TARBP1: variants seen among roughly 807,000 people sequenced by gnomAD.
TARBP1 encodes the protein tRNA guanosine 2 -O-methyltransferase TARBP1.
Under a neutral mutation model 178.6 loss-of-function variants are expected in TARBP1, and 144 were observed. That is an observed-to-expected ratio of 0.81 (90% CI 0.70 to 0.93). The LOEUF is 0.93. Ranked by LOEUF, TARBP1 falls within the 40% of genes least tolerant of loss-of-function variation. TARBP1 has a pLI of 0.00. For missense variants in TARBP1, 2,067 were observed against 2,011.7 expected (o/e 1.03, Z -0.53); for synonymous variants, 787 against 781.0 (o/e 1.01, Z -0.13).
At chr1:234,395,172 T>C (rs139477392) in intron 26 of TARBP1, among the ~76,000 whole-genome samples, 225 of 152,146 alleles carry the variant, frequency 1.5e-3, no homozygotes, top group African/African-American at 5.0e-3. Flanking sequence ...TGCAGTGAGC[T>C]GAGATCGTGC....
intron 4 of TARBP1, 97 bp from the exon 5 acceptor site, chr1:234,465,805 C>T: frequency 2.7e-6 from 3 of 1,120,010 alleles, no homozygotes; most frequent in Non-Finnish European, 3.7e-6. Context: ...CACAGGCTTA[C>T]AGAAGACCTG....
At chr1:234,475,395 C>G (rs921826988) in intron 1 of TARBP1, among the ~76,000 whole-genome samples, 2 of 152,232 alleles carry the variant, frequency 1.3e-5, no homozygotes, top group Admixed American at 1.3e-4. Flanking sequence ...TCCCTTCACT[C>G]GGCACTGACA....
At chr1:234,468,965 G>T (rs1253911331) in intron 3 of TARBP1, among the ~76,000 whole-genome samples, 2 of 148,802 alleles carry the variant, frequency 1.3e-5, no homozygotes, top group African/African-American at 5.0e-5. Context: ...TTTTTTCATG[G>T]AAAACACAAA....
intron 12 of TARBP1, among the ~76,000 whole-genome samples, chr1:234,446,429 C>A (rs1666179298): frequency 2.0e-5 from 3 of 152,026 alleles, no homozygotes; most frequent in Admixed American, 2.0e-4. Context: ...ATGGATCCTG[C>A]TTAAACATAT....
At chr1:234,428,577 GCT>G (rs1664037673) in intron 17 of TARBP1, among the ~76,000 whole-genome samples, 1 of 148,690 alleles carries the variant, frequency 6.7e-6, no homozygotes, top group Non-Finnish European at 1.5e-5. Context: ...ATGGAGTCTT[GCT>G]CTGTTGCCCA....
rs1251686360 is a variant in TARBP1 at position 234,452,279 on chromosome 1, G to A, written c.1723-1713C>T. Among the ~76,000 whole-genome samples, 3 of 152,058 alleles carry A rather than the reference G, an allele frequency of 2.0e-5. No homozygotes were observed. In the East Asian group the frequency reaches 5.8e-4, roughly 29 times the overall value. ...ATCTATTTGGACACATAAAGAGAAT[G>A]AGAGGACAAGCCACAGACTGGGAGA... is the stretch of plus-strand genomic sequence containing the variant. On this transcript the variant is annotated intron_variant, in intron 9 of 29. Transcript: ENST00000040877.
chr1:234,468,491 C>T (rs748430900), intron 3 of TARBP1, among the ~76,000 whole-genome samples: 74 of 152,200 alleles, frequency 4.9e-4, no homozygotes, highest in Non-Finnish European at 4.4e-4. Flanking sequence ...AGACTGTAAA[C>T]GAATGCTGTA....
intron 26 of TARBP1, among the ~76,000 whole-genome samples, chr1:234,394,487 G>A (rs1659714487): frequency 6.6e-6 from 1 of 152,134 alleles, no homozygotes; most frequent in South Asian, 2.1e-4. Context: ...GCAATCAAGT[G>A]GCACTTAGTT....
intron 20 of TARBP1, among the ~76,000 whole-genome samples, chr1:234,422,548 A>G (rs1663225766): frequency 6.6e-6 from 1 of 152,160 alleles, no homozygotes; most frequent in South Asian, 2.1e-4. Flanking sequence ...AATTGAACTC[A>G]TGGAGATAGA....
chr1:234,417,428 AAAG>A lies in TARBP1; in HGVS notation c.3705+653_3705+655del, dbSNP rs538512289. Among the ~76,000 whole-genome samples the A allele has an allele frequency of 1.2e-4, 19 of 152,346 alleles. No homozygotes were observed. The East Asian group carries it at 3.5e-3, about 28-fold the overall frequency. ...GAGGAATGCACCTCCATTTTCACAC[AAAG>A]AAGAAGACAAGATCATCTATTATGA... On this transcript the variant is annotated intron_variant, in intron 22 of 29. Transcript: ENST00000040877.
At chr1:234,429,064 A>C in intron 17 of TARBP1, 72 bp downstream of exon 17, 4 of 1,354,412 alleles carry the variant, frequency 3.0e-6, no homozygotes, top group Non-Finnish European at 3.9e-6. Flanking sequence ...TGTGAATACA[A>C]CTCTCATGTT....
intron 12 of TARBP1, among the ~76,000 whole-genome samples, chr1:234,441,681 C>T (rs1425759925): frequency 1.3e-5 from 2 of 152,266 alleles, no homozygotes; most frequent in Admixed American, 6.5e-5. Flanking sequence ...AAAGAGAAAC[C>T]TCATACCCTT....
At chr1:234,473,867 G>C (rs372388852) in intron 1 of TARBP1, among the ~76,000 whole-genome samples, 2 of 152,132 alleles carry the variant, frequency 1.3e-5, no homozygotes, top group Non-Finnish European at 2.9e-5. Flanking sequence ...AAATTACACA[G>C]GTAGAAGAAA....
At position 234,478,529 on chromosome 1, in the gene TARBP1, GC is replaced by G; in HGVS notation, c.574del (p.Ala192ProfsTer35). 7.3e-7 allele frequency: 1 copy of G among 1,369,010 alleles called. No homozygotes were observed. The highest frequency in any genetic ancestry group is 3.4e-5 in the East Asian group (1 of 29,658). The allele number at this position is 1,369,010 out of a possible 1,614,324, so 84.8% of individuals were successfully genotyped here. On this transcript the variant is annotated frameshift_variant, in exon 1 of 30. Coordinates refer to ENST00000040877, the MANE Select transcript of TARBP1 (RefSeq NM_005646.4). LOFTEE classifies it high-confidence loss of function. ...GACCAGCACTGGCAGCAGTCGCCCG[GC>G]CACCAGCGCCGCCGCGTCCTCGGCA... ...GPAEDAAALV[A>X]GRLLPVLVQC...
chr1:234,433,923 T>C (rs1664741683), intron 13 of TARBP1, among the ~76,000 whole-genome samples: 1 of 152,236 alleles, frequency 6.6e-6, no homozygotes, highest in African/African-American at 2.4e-5. Flanking sequence ...GTTATAGCAA[T>C]GACTACTTCC....
chr1:234,413,215 A>T (rs1029350200), intron 22 of TARBP1, among the ~76,000 whole-genome samples: 1 of 152,220 alleles, frequency 6.6e-6, no homozygotes, highest in African/African-American at 2.4e-5. Flanking sequence ...AGGCCCAGAC[A>T]ACACACACAT....
At position 234,393,714 on chromosome 1, in the gene TARBP1, C is replaced by A. The variant is rs771058083; in HGVS notation, c.4367G>T (p.Arg1456Ile). 3.7e-6 allele frequency: 6 copies of A among 1,613,920 alleles called. No individual in the cohort carries two copies. Among genetic ancestry groups the A allele is most frequent in the Non-Finnish European group, 4.2e-6 (5 of 1,180,028 alleles). Residue 1456 changes from arginine (R) to isoleucine (I), a missense_variant, in exon 27 of 30, where the codon AGA becomes ATA. Transcript: ENST00000040877. ...GAGTCTACTAATTGACTTTCCAAGT[C>A]TGGCAGCACGATCCTGAAACAGGAG... The part of the protein sequence containing the change: ...LELLFQDRAA[R>I]LGKSISRLIV...
chr1:234,469,077 TAAAAAAAAA>T (rs1327979551), intron 3 of TARBP1, among the ~76,000 whole-genome samples: 1,400 of 63,798 alleles, frequency 0.022, 52 homozygotes, highest in African/African-American at 0.08. Context: ...TTTTTTTTTT[TAAAAAAAAA>T]AAAAAGGCAA....
Position 234,467,498 on chromosome 1 carries a change from T to C in TARBP1, c.1248+4A>G, listed in dbSNP as rs1307325087. The C allele has an allele frequency of 6.3e-6, 10 of 1,581,556 alleles. No homozygotes were observed. On this transcript the variant is annotated splice_donor_region_variant and intron_variant, in intron 4 of 29. Transcript: ENST00000040877. ...GAGCAAGGAAGGGGACAGGGTGTCA[T>C]TACCTCAGAAAATTCTGGTGAAAAT...
Sources: allele counts gnomAD v4.1 joint callset (sites outside exome capture counted in the v4.1 genomes callset), GRCh38; gene constraint gnomAD v4.1.1; transcripts MANE v1.5; gene names NCBI Gene and HGNC (gene_info 2026-07-23, HGNC 2026-07-21).